The following TTI1 variants were observed in gnomAD, a reference collection of about 807,000 sequenced individuals.
TTI1 encodes TELO2 interacting protein 1.
In TTI1, 52 loss-of-function variants were observed where a neutral mutation model predicts 85.4. That is an observed-to-expected ratio of 0.61 (90% CI 0.49 to 0.77). The LOEUF (loss-of-function observed/expected upper bound fraction) is 0.77. Among genes scored for constraint, TTI1 ranks in the 30% least tolerant of loss-of-function variants. TTI1 has a pLI of 0.00. For synonymous variants in TTI1, 512 were observed against 503.9 expected (o/e 1.02, Z -0.22); for missense variants, 1,173 against 1,296.0 (o/e 0.91, Z 1.46).
At chr20:38,027,879 G>T (rs932455263) in intron 1 of TTI1, among the ~76,000 whole-genome samples, 2 of 152,038 alleles carry the variant, frequency 1.3e-5, no homozygotes, top group African/African-American at 4.8e-5. Context: ...AGCCAAGATC[G>T]CACCATTGAA....
intron 5 of TTI1, 107 bp downstream of exon 5, chr20:37,999,081 T>C (rs1053721505): frequency 6.7e-6 from 8 of 1,195,776 alleles, no homozygotes; most frequent in Non-Finnish European, 8.7e-6. Context: ...CTTCACAGTA[T>C]GTGACATTGC....
At chr20:38,014,643 AAC>A (rs1216521350) in intron 1 of TTI1, among the ~76,000 whole-genome samples, 3 of 152,204 alleles carry the variant, frequency 2.0e-5, no homozygotes, top group Admixed American at 6.5e-5. Context: ...ACTATCACAG[AAC>A]ACACAGGAGA....
chr20:37,995,702 A>C (rs953235052), intron 7 of TTI1, among the ~76,000 whole-genome samples: 1 of 152,260 alleles, frequency 6.6e-6, no homozygotes, highest in African/African-American at 2.4e-5. Flanking sequence ...TCTTAGTCCT[A>C]AAGTAACCAG....
At chr20:38,004,547 A>T (rs1260230578) in intron 3 of TTI1, among the ~76,000 whole-genome samples, 1 of 152,270 alleles carries the variant, frequency 6.6e-6, no homozygotes, top group Non-Finnish European at 1.5e-5. Context: ...ACTCATGTCA[A>T]GCCAGCACTG....
Position 38,020,322 on chromosome 20 carries a change from AAATATATAT to A in TTI1, c.-41-6474_-41-6466del, listed in dbSNP as rs1193790884. The stretch of plus-strand genomic sequence containing the variant: ...TGGCTACTCATATGAAAAAAAAAAA[AAATATATAT>A]ATATATATATATATATATATATGTA... On this transcript the variant is annotated intron_variant, in intron 1 of 7. Transcript: ENST00000373447. Among the ~76,000 whole-genome samples, 352 of 75,906 alleles carry A rather than the reference AAATATATAT, an allele frequency of 4.6e-3. 6 individuals carry two copies. Among genetic ancestry groups the A allele is most frequent in the Non-Finnish European group, 6.5e-3 (252 of 38,816 alleles). 49.8% of individuals were successfully genotyped at this position (75,906 alleles called of 152,430 possible). A position where few individuals can be genotyped will look rare whatever the true frequency, so the allele number is the denominator to read the frequency against.
chr20:38,002,552 C>A, intron 4 of TTI1, 76 bp downstream of exon 4: 1 of 1,570,212 alleles, frequency 6.4e-7, no homozygotes, highest in Non-Finnish European at 8.7e-7. Context: ...ACGTGCTCAT[C>A]CGTGTAGCCA....
intron 1 of TTI1, among the ~76,000 whole-genome samples, chr20:38,023,427 C>A (rs2073796094): frequency 6.6e-6 from 1 of 152,190 alleles, no homozygotes; most frequent in Non-Finnish European, 1.5e-5. Flanking sequence ...TAAAACTTTG[C>A]AAGGTCAGTC....
chr20:37,985,281 CA>C (rs1568605395), intron 7 of TTI1, among the ~76,000 whole-genome samples: 1 of 152,206 alleles, frequency 6.6e-6, no homozygotes, highest in Admixed American at 6.5e-5. Flanking sequence ...TGATAAATCA[CA>C]TTTTATTATT....
At chr20:37,998,223 T>C (rs910718320) in intron 5 of TTI1, among the ~76,000 whole-genome samples, 53 of 151,746 alleles carry the variant, frequency 3.5e-4, no homozygotes, top group African/African-American at 1.2e-3. Context: ...CCACCGCGAC[T>C]GGCCTAATCT....
At chr20:38,002,883 A>G in intron 3 of TTI1, 107 bp from the exon 4 acceptor site, 1 of 1,471,282 alleles carries the variant, frequency 6.8e-7, no homozygotes, top group Non-Finnish European at 9.3e-7. Flanking sequence ...TGGTTACAGC[A>G]GCACAAATGG....
At chr20:38,003,150 T>C (rs1244532436) in intron 3 of TTI1, among the ~76,000 whole-genome samples, 1 of 152,242 alleles carries the variant, frequency 6.6e-6, no homozygotes, top group African/African-American at 2.4e-5. Flanking sequence ...TTTGTAGAAA[T>C]GGGGGTCTCA....
chr20:38,021,663 A>T (rs6022419), intron 1 of TTI1, among the ~76,000 whole-genome samples: 2 of 151,982 alleles, frequency 1.3e-5, no homozygotes, highest in African/African-American at 4.8e-5. Context: ...GTGGCCCTCC[A>T]CTGTGGTCCT....
chr20:37,990,760 T>TAG (rs1236337519), intron 7 of TTI1, among the ~76,000 whole-genome samples: 1 of 152,056 alleles, frequency 6.6e-6, no homozygotes, highest in Admixed American at 6.5e-5. Flanking sequence ...GTGCAGGCGG[T>TAG]GCTGCGACCA....
chr20:38,011,653 T>C lies in TTI1; in HGVS notation c.2164A>G (p.Met722Val), dbSNP rs1682728481. The change falls in exon 2 of 8, where the codon ATG (methionine) becomes GTG (valine). Residue 722 changes from methionine to valine, a missense_variant. Physicochemically the swap from Met to Val is conservative, Grantham distance 21 (BLOSUM62 1). Transcript: ENST00000373447. ...HPHTPKVLEV[M>V]LRNSDANLLP... ...AGGTTAGCATCTGAGTTCCGCAGCA[T>C]GACTTCCAGGACCTTTGGGGTATGA... 3.1e-6 allele frequency: 5 copies of C among 1,614,120 alleles called. No homozygotes were observed. Among genetic ancestry groups the C allele is most frequent in the Admixed American group, 1.7e-5 (1 of 60,010 alleles).
intron 7 of TTI1, among the ~76,000 whole-genome samples, chr20:37,990,011 CCTTTT>C (rs1193469367): frequency 6.6e-6 from 1 of 152,202 alleles, no homozygotes; most frequent in Non-Finnish European, 1.5e-5. Context: ...AGCTTTCTTT[CCTTTT>C]CTTTTTAAAA....
intron 1 of TTI1, among the ~76,000 whole-genome samples, 152 bp downstream of exon 1, chr20:38,033,252 G>A (rs1297144594): frequency 3.3e-5 from 5 of 152,132 alleles, no homozygotes; most frequent in Non-Finnish European, 7.4e-5. Flanking sequence ...CACATATGGA[G>A]GAAAGATGCG....
chr20:38,029,568 AAG>A (rs60021792), intron 1 of TTI1, among the ~76,000 whole-genome samples: 1,826 of 147,916 alleles, frequency 0.012, 23 homozygotes, highest in African/African-American at 0.034. Flanking sequence ...GTGAGTGAGC[AAG>A]AGAGAGAGAG....
chr20:38,028,173 G>A (rs560503740), intron 1 of TTI1, among the ~76,000 whole-genome samples: 2 of 151,822 alleles, frequency 1.3e-5, no homozygotes, highest in South Asian at 4.2e-4. Context: ...GAATATAGAG[G>A]GTCAACTATA....
intron 7 of TTI1, among the ~76,000 whole-genome samples, chr20:37,985,064 G>T (rs899270569): frequency 2.6e-5 from 4 of 152,202 alleles, no homozygotes; most frequent in African/African-American, 9.6e-5. Context: ...GAACAAGGAA[G>T]ATTATTAACA....
Sources: gnomAD v4.1 joint callset for allele counts (sites outside exome capture counted in the v4.1 genomes callset) on GRCh38, gnomAD v4.1.1 for gene constraint, MANE v1.5 for transcripts, NCBI Gene and HGNC (gene_info 2026-07-23, HGNC 2026-07-21) for gene names.